The following MRI1 variants were observed in gnomAD, a reference collection of about 807,000 sequenced individuals.
The protein encoded by MRI1 is methylthioribose-1-phosphate isomerase 1.
Under a neutral mutation model 27.3 loss-of-function variants are expected in MRI1, and 32 were observed. The observed-to-expected ratio is 1.17, with a 90% confidence interval of 0.88 to 1.57. The LOEUF is 1.57. MRI1 is among the 40% of genes most tolerant of loss of function. MRI1 has a pLI of 0.00. For synonymous variants in MRI1, 216 were observed against 227.4 expected (o/e 0.95, Z 0.45); for missense variants, 508 against 516.1 (o/e 0.98, Z 0.15).
chr19:13,772,298 T>C lies in MRI1; in HGVS notation c.*17T>C. 6.2e-7 allele frequency: 1 copy of C among 1,602,992 alleles called. No homozygotes were observed. On this transcript the variant is annotated 3_prime_UTR_variant, in exon 6 of 6. Coordinates refer to ENST00000040663, the MANE Select transcript of MRI1 (RefSeq NM_001031727.4). The stretch of plus-strand genomic sequence containing the variant: ...CAGATGTAACCAACTCAGCTCTCCC[T>C]AGCCTGCCTCTCTAGGTTTTTCAAT...
intron 2 of MRI1, among the ~76,000 whole-genome samples, chr19:13,765,672 T>G (rs1351141311): frequency 6.6e-6 from 1 of 152,220 alleles, no homozygotes; most frequent in Non-Finnish European, 1.5e-5. Context: ...TTCATTTTAT[T>G]ATCTCTTCAT....
chr19:13,767,385 T>C (rs1270277956), intron 3 of MRI1, among the ~76,000 whole-genome samples: 1 of 151,982 alleles, frequency 6.6e-6, no homozygotes, highest in African/African-American at 2.4e-5. Flanking sequence ...TTGCATATCA[T>C]AGCTAGTCCC....
chr19:13,768,971 C>A lies in MRI1; in HGVS notation c.872C>A (p.Thr291Asn), dbSNP rs1308585464. 1.2e-6 allele frequency: 2 copies of A among 1,614,076 alleles called. No homozygotes were observed. The highest frequency in any genetic ancestry group is 3.3e-5 in the Admixed American group (2 of 60,000). ...TCTTCATGTGACCTCCGTCTGGAGACCGGCAAGGAGATCATTATTGAAGAG... is the reference window on the plus strand; with the variant it reads ...TCTTCATGTGACCTCCGTCTGGAGAACGGCAAGGAGATCATTATTGAAGAG... Reference protein sequence around the residue: ...PSSSCDLRLETGKEIIIEERP... With the variant: ...PSSSCDLRLENGKEIIIEERP... Residue 291 changes from threonine (T) to asparagine (N), a missense_variant, in exon 5 of 6, where the codon ACC (threonine) becomes AAC (asparagine). Around this residue, in one of 3 missense-constraint regions of MRI1, gnomAD observed 457 missense variants for 452.8 expected, o/e 1.01. Coordinates refer to ENST00000040663, the MANE Select transcript of MRI1 (RefSeq NM_001031727.4).
At chr19:13,765,373 C>G (rs1194345477) in intron 2 of MRI1, among the ~76,000 whole-genome samples, 2 of 152,120 alleles carry the variant, frequency 1.3e-5, no homozygotes, top group Admixed American at 1.3e-4. Flanking sequence ...ACACGCAGCC[C>G]CTTATCCGCC....
intron 5 of MRI1, among the ~76,000 whole-genome samples, 164 bp downstream of exon 5, chr19:13,769,212 A>G (rs1481386282): frequency 2.6e-5 from 4 of 152,052 alleles, no homozygotes; most frequent in Admixed American, 2.6e-4. Flanking sequence ...CCCTCAGGCT[A>G]GAGTGCAGTG....
At chr19:13,769,319 A>G (rs1974221043) in intron 5 of MRI1, among the ~76,000 whole-genome samples, 1 of 152,092 alleles carries the variant, frequency 6.6e-6, no homozygotes, top group Admixed American at 6.6e-5. Flanking sequence ...GGGTGCCACC[A>G]CGCCTGGCTA....
At chr19:13,769,671 C>T (rs1053055262) in intron 5 of MRI1, among the ~76,000 whole-genome samples, 1 of 151,996 alleles carries the variant, frequency 6.6e-6, no homozygotes, top group Non-Finnish European at 1.5e-5. Flanking sequence ...CCTGTAATCC[C>T]AGCACTTTGG....
At position 13,772,174 on chromosome 19, in the gene MRI1, G is replaced by T. The variant is rs1414458696; in HGVS notation, c.1003G>T (p.Gly335Cys). Residue 335 changes from glycine to cysteine, a missense_variant, in exon 6 of 6, where the codon GGT becomes TGT. Physicochemically the swap from Gly to Cys is radical, Grantham distance 159. Coordinates refer to ENST00000040663, the MANE Select transcript of MRI1 (RefSeq NM_001031727.4). ...TGTCACCCCCCACGACCTCATCACT[G>T]GTGGCATCATCACAGAACTGGGGGT... ...FDVTPHDLIT[G>C]GIITELGVFA... 5.0e-6 allele frequency: 8 copies of T among 1,613,962 alleles called. No individual in the cohort carries two copies. In the South Asian group the frequency reaches 8.8e-5, roughly 18 times the overall value.
chr19:13,768,766 G>T (rs947579349), intron 4 of MRI1, 29 bp downstream of exon 4: 1 of 1,597,654 alleles, frequency 6.3e-7, no homozygotes. Flanking sequence ...CTGGGGGCGG[G>T]GCTCTGGAGC....
chr19:13,764,912 C>A lies in MRI1; in HGVS notation c.174C>A (p.Ser58Arg). The change falls in exon 2 of 6, where the codon AGC becomes AGA. Residue 58 changes from serine (S) to arginine (R), a missense_variant. Ser to Arg is a moderately radical substitution (Grantham distance 110). This residue lies in a region of MRI1 where 457 missense variants were observed against 452.8 expected (regional missense o/e 1.01). Coordinates refer to ENST00000040663, the MANE Select transcript of MRI1 (RefSeq NM_001031727.4). ...APAIALVGCL[S>R]LAVELQAGAG... ...CCATAGCCCTGGTGGGCTGTCTCAG[C>A]CTCGCCGTGGAGCTGCAGGCGGGCG... The A allele has an allele frequency of 6.8e-7, 1 of 1,479,574 alleles. No homozygotes were observed. The highest frequency in any genetic ancestry group is 8.9e-7 in the Non-Finnish European group (1 of 1,120,316). The allele number at this position is 1,479,574 out of a possible 1,614,324, so 91.7% of individuals were successfully genotyped here. A position where few individuals can be genotyped will look rare whatever the true frequency, so the allele number is the denominator to read the frequency against.
intron 5 of MRI1, among the ~76,000 whole-genome samples, chr19:13,770,379 G>A (rs953797252): frequency 6.6e-6 from 1 of 152,022 alleles, no homozygotes; most frequent in Non-Finnish European, 1.5e-5. Context: ...GAGGTCAGGC[G>A]TTCCAGACCA....
At chr19:13,772,043 T>C (rs1180631349) in intron 5 of MRI1, 78 bp from the exon 6 acceptor site, 5 of 1,404,196 alleles carry the variant, frequency 3.6e-6, no homozygotes, top group Non-Finnish European at 4.8e-6. Flanking sequence ...ACCACTGTGG[T>C]AGAAACAGAT....
At chr19:13,770,780 G>T (rs1974253164) in intron 5 of MRI1, among the ~76,000 whole-genome samples, 1 of 151,916 alleles carries the variant, frequency 6.6e-6, no homozygotes, top group Non-Finnish European at 1.5e-5. Flanking sequence ...CTACTCAGGA[G>T]GCTGAGGCAG....
intron 5 of MRI1, among the ~76,000 whole-genome samples, chr19:13,770,806 C>G (rs1278627427): frequency 6.6e-6 from 1 of 151,912 alleles, no homozygotes; most frequent in Non-Finnish European, 1.5e-5. Context: ...TTGCTTGAAC[C>G]CGGGAGGCGG....
chr19:13,768,257 A>G, intron 3 of MRI1: 1 of 727,676 alleles, frequency 1.4e-6, no homozygotes, highest in Non-Finnish European at 2.4e-6. Flanking sequence ...TTAGAAGGTG[A>G]TAAATGCTAA....
Position 13,764,722 on chromosome 19 carries a change from T to C in MRI1, c.132+2T>C. 7.6e-7 allele frequency: 1 copy of C among 1,321,318 alleles called. No individual in the cohort carries two copies. The highest frequency in any genetic ancestry group is 9.7e-7 in the Non-Finnish European group (1 of 1,032,006). The allele number at this position is 1,321,318 out of a possible 1,614,324, so 81.8% of individuals were successfully genotyped here. A position where few individuals can be genotyped will look rare whatever the true frequency, so the allele number is the denominator to read the frequency against. The stretch of plus-strand genomic sequence containing the variant: ...TGGGAGGCCATCCGCGCCATGAAGG[T>C]GCAGCGGGGCGGCGGGGCGGCGGGG... On this transcript the variant is annotated splice_donor_variant, in intron 1 of 5. Transcript: ENST00000040663. LOFTEE classifies it high-confidence loss of function.
rs1974215586 is a variant in MRI1 at position 13,769,065 on chromosome 19, GA to G, written c.949+20del. The G allele has an allele frequency of 1.3e-6, 2 of 1,587,038 alleles. No individual in the cohort carries two copies. The highest frequency in any genetic ancestry group is 2.7e-5 in the African/African-American group (2 of 74,464). ...CAGCACCTGGTAAGCTGCCCCCTCA[GA>G]AAGGGGACACCCCAGCTCCTGGGCA... is the stretch of plus-strand genomic sequence containing the variant. On this transcript the variant is annotated intron_variant, in intron 5 of 5. Coordinates refer to ENST00000040663, the MANE Select transcript of MRI1 (RefSeq NM_001031727.4).
In MRI1 at chr19:13,768,989, T is replaced by C; in HGVS notation, c.890T>C (p.Ile297Thr). The C allele has an allele frequency of 3.7e-6, 6 of 1,614,026 alleles. No homozygotes were observed. Among genetic ancestry groups the C allele is most frequent in the Non-Finnish European group, 5.1e-6 (6 of 1,179,966 alleles). The change falls in exon 5 of 6, where the codon ATT becomes ACT. Residue 297 changes from isoleucine to threonine, a missense_variant. Ile to Thr is a moderately conservative substitution (Grantham distance 89). Around this residue, in one of 3 missense-constraint regions of MRI1, gnomAD observed 457 missense variants for 452.8 expected, o/e 1.01. Coordinates refer to ENST00000040663, the MANE Select transcript of MRI1 (RefSeq NM_001031727.4). ...CTGGAGACCGGCAAGGAGATCATTATTGAAGAGCGACCGGGCCAGGAGCTG... is the reference window on the plus strand; with the variant it reads ...CTGGAGACCGGCAAGGAGATCATTACTGAAGAGCGACCGGGCCAGGAGCTG... ...LRLETGKEII[I>T]EERPGQELTD...
At chr19:13,767,037 A>ATATATATATATATATATTTTTTTTTTTT (rs1974149223) in intron 3 of MRI1, among the ~76,000 whole-genome samples, 1 of 21,128 alleles carries the variant, frequency 4.7e-5, no homozygotes, top group African/African-American at 1.8e-4. Context: ...ATATATATAT[A>ATATATATATATATATATTTTTTTTTTTT]TTTTTTTTTT....
Sources: allele counts gnomAD v4.1 joint callset (sites outside exome capture counted in the v4.1 genomes callset), GRCh38; gene constraint gnomAD v4.1.1; regional missense constraint gnomAD v4.1.1; transcripts MANE v1.5; gene names NCBI Gene and HGNC (gene_info 2026-07-23, HGNC 2026-07-21).